CASP6: variants seen among roughly 807,000 people sequenced by gnomAD.
CASP6 encodes the protein caspase-6.
A neutral mutation model predicts 31.8 loss-of-function variants in CASP6; 20 were observed. That is an observed-to-expected ratio of 0.63 (90% CI 0.44 to 0.91). CASP6 has a LOEUF of 0.91. Ranked by LOEUF, CASP6 falls within the 40% of genes least tolerant of loss-of-function variation. The pLI is 0.00. For missense variants in CASP6, 328 were observed against 361.1 expected, an observed-to-expected ratio of 0.91 and a Z score of 0.74; for synonymous variants, 130 against 127.8, an observed-to-expected ratio of 1.02 and a Z score of -0.12.
At chr4:109,680,541 A>G in the CASP6 span, among the ~76,000 whole-genome samples, 2 of 151,936 alleles carry the variant, frequency 1.3e-5, no homozygotes, top group Non-Finnish European at 2.9e-5. Flanking sequence ...CTCTGTATGT[A>G]TATGTTTTAT....
At chr4:109,667,585 G>C in the CASP6 span, among the ~76,000 whole-genome samples, 5 of 148,980 alleles carry the variant, frequency 3.4e-5, no homozygotes, top group African/African-American at 9.8e-5. Flanking sequence ...AATTTCATTG[G>C]TTTCTACTCT....
chr4:109,675,761 C>G, the CASP6 span, among the ~76,000 whole-genome samples: 17,279 of 152,196 alleles, frequency 0.11, 1,025 homozygotes, highest in Non-Finnish European at 0.13. Context: ...GAGAGGTTAT[C>G]TTGGCAGTAG....
upstream of CASP6, among the ~76,000 whole-genome samples, chr4:109,706,856 A>T (rs1166781243): frequency 6.6e-6 from 1 of 152,162 alleles, no homozygotes; most frequent in Non-Finnish European, 1.5e-5. Context: ...GCAGTGAGCC[A>T]AGATCATGCC....
chr4:109,696,528 A>G, intron 3 of CASP6, 42 bp from the exon 4 acceptor site: 1 of 1,364,518 alleles, frequency 7.3e-7, no homozygotes, highest in Non-Finnish European at 1.0e-6. Context: ...TAAACTTTTC[A>G]AAGTTGTCAA....
the CASP6 span, among the ~76,000 whole-genome samples, chr4:109,670,027 T>A: frequency 3.9e-5 from 6 of 152,258 alleles, no homozygotes; most frequent in Admixed American, 3.9e-4. Flanking sequence ...CTCGTTCTGA[T>A]GCTTATTCTG....
At chr4:109,706,281 G>A (rs567945237), upstream of CASP6, among the ~76,000 whole-genome samples, 202 of 150,392 alleles carry the variant, frequency 1.3e-3, no homozygotes, top group African/African-American at 4.4e-3. Context: ...CTGATGTTGA[G>A]GGGTTCAAGA....
At chr4:109,684,603 C>A, downstream of CASP6, 1 of 1,593,820 alleles carries the variant, frequency 6.3e-7, no homozygotes, top group Non-Finnish European at 8.6e-7. Context: ...ATCACATTTG[C>A]AAATTCTATG....
rs1196639067 is a variant in CASP6, at chr4:109,688,767, A to T, written c.*563T>A. ...AGATTTTTGTGTAACCCTGCAGTTTATTAAAAAATAATACAAATGCTTATA... is the reference window on the plus strand; with the variant it reads ...AGATTTTTGTGTAACCCTGCAGTTTTTTAAAAAATAATACAAATGCTTATA... On this transcript the variant is annotated 3_prime_UTR_variant, in exon 7 of 7. Coordinates refer to ENST00000265164, the MANE Select transcript of CASP6 (RefSeq NM_001226.4). 6.6e-6 allele frequency: 1 copy of T among 152,136 alleles called. No homozygotes were observed. The highest frequency in any genetic ancestry group is 2.4e-5 in the African/African-American group (1 of 41,446). The allele number at this position is 152,136 out of a possible 1,614,324, so 9.4% of individuals were successfully genotyped here. A position where few individuals can be genotyped will look rare whatever the true frequency, so the allele number is the denominator to read the frequency against.
chr4:109,706,168 T>TATATATATATAC (rs1438834395), upstream of CASP6, among the ~76,000 whole-genome samples: 23 of 92,466 alleles, frequency 2.5e-4, no homozygotes, highest in African/African-American at 4.3e-4. Context: ...TATATATATA[T>TATATATATATAC]ATACACACAC....
chr4:109,668,939 C>A, the CASP6 span, among the ~76,000 whole-genome samples: 4 of 152,072 alleles, frequency 2.6e-5, no homozygotes, highest in Non-Finnish European at 5.9e-5. Flanking sequence ...CCTGATTTCT[C>A]CCTCATGCCC....
chr4:109,689,647 T>A, intron 6 of CASP6, 79 bp from the exon 7 acceptor site: 1 of 1,287,764 alleles, frequency 7.8e-7, no homozygotes, highest in Non-Finnish European at 1.1e-6. Context: ...GTTACAGAAG[T>A]ATAAGTTCTT....
chr4:109,680,778 T>A, the CASP6 span, among the ~76,000 whole-genome samples: 50 of 152,310 alleles, frequency 3.3e-4, no homozygotes, highest in African/African-American at 1.1e-3. Context: ...TCTAGACATA[T>A]GTCTCTCTTG....
At chr4:109,700,628 C>T (rs1003257841) in intron 1 of CASP6, among the ~76,000 whole-genome samples, 5 of 151,910 alleles carry the variant, frequency 3.3e-5, no homozygotes, top group African/African-American at 7.3e-5. Flanking sequence ...GTTAATGCTA[C>T]GGATGTAGAA....
rs1579115759 is a variant in CASP6, at chr4:109,703,328, C to A, written c.40+28G>T. On this transcript the variant is annotated intron_variant, in intron 1 of 6. Transcript: ENST00000265164. ...AGCCGGAGCAAGACGCAGACCTGCTCGGTGCCCAGTCGACGCCCCCTGCCT... is the reference window on the plus strand; with the variant it reads ...AGCCGGAGCAAGACGCAGACCTGCTAGGTGCCCAGTCGACGCCCCCTGCCT... 7 of 1,599,784 alleles carry A rather than the reference C, an allele frequency of 4.4e-6. No homozygotes were observed. In the South Asian group the frequency reaches 7.9e-5, roughly 18 times the overall value.
At chr4:109,686,184 C>T (rs570639008), downstream of CASP6, among the ~76,000 whole-genome samples, 37 of 152,312 alleles carry the variant, frequency 2.4e-4, no homozygotes, top group Non-Finnish European at 4.1e-4. Context: ...GTTGCCCACA[C>T]TAGAGTGTAG....
chr4:109,696,426 CAGT>C lies in CASP6; in HGVS notation c.288_290del (p.Leu98del). The C allele has an allele frequency of 1.9e-6, 3 of 1,612,176 alleles. No individual in the cohort carries two copies. Among genetic ancestry groups the C allele is most frequent in the Non-Finnish European group, 1.7e-6 (2 of 1,179,098 alleles). On this transcript the variant is annotated inframe_deletion, in exon 4 of 7. Transcript: ENST00000265164. ...ACTACCTACCCTCATGAATTTTGAGCAGTAGTTCTTCTGCTTTAAGATCATTAA... is the reference window on the plus strand; with the variant it reads ...ACTACCTACCCTCATGAATTTTGAGCAGTTCTTCTGCTTTAAGATCATTAA...
chr4:109,686,656 T>G (rs1729844700), downstream of CASP6, among the ~76,000 whole-genome samples: 1 of 152,048 alleles, frequency 6.6e-6, no homozygotes. Flanking sequence ...TGGGAGGATC[T>G]CGAGTCCAGA....
At chr4:109,699,906 T>C (rs925399172) in intron 1 of CASP6, among the ~76,000 whole-genome samples, 1 of 152,188 alleles carries the variant, frequency 6.6e-6, no homozygotes, top group African/African-American at 2.4e-5. Context: ...AATTAGAGTA[T>C]AAAGAAACAA....
the CASP6 span, among the ~76,000 whole-genome samples, chr4:109,681,122 C>G: frequency 1.3e-5 from 2 of 152,100 alleles, no homozygotes; most frequent in Non-Finnish European, 2.9e-5. Context: ...AGAAAACAAA[C>G]AGTAGTTTAT....
Sources: allele counts gnomAD v4.1 joint callset (sites outside exome capture counted in the v4.1 genomes callset), GRCh38; gene constraint gnomAD v4.1.1; transcripts MANE v1.5; gene names NCBI Gene and HGNC (gene_info 2026-07-23, HGNC 2026-07-21).